Variants in MTSS1 observed in about 807,000 individuals in gnomAD.
MTSS1 encodes protein MTSS 1.
In MTSS1, 18 loss-of-function variants were observed where a neutral mutation model predicts 79.0. That is an observed-to-expected ratio of 0.23 (90% CI 0.16 to 0.34). The LOEUF (loss-of-function observed/expected upper bound fraction) is 0.34, where lower values mean the gene tolerates loss of function less well. Among genes scored for constraint, MTSS1 ranks in the 10% least tolerant of loss-of-function variants. MTSS1 has a pLI of 1.00. For synonymous variants in MTSS1, 341 were observed against 368.6 expected (o/e 0.93, Z 0.86); for missense variants, 815 against 986.2 (o/e 0.83, Z 2.33).
intron 3 of MTSS1, among the ~76,000 whole-genome samples, chr8:124,686,903 G>A (rs1023703178): frequency 2.6e-5 from 4 of 152,096 alleles, no homozygotes; most frequent in African/African-American, 7.2e-5. Context: ...GGTTAAAATG[G>A]CAGGCAGCTT....
Position 124,647,605 on chromosome 8 carries a change from A to T in MTSS1, c.208+51921T>A, listed in dbSNP as rs947443793. On this transcript the variant is annotated intron_variant, in intron 3 of 13. Coordinates refer to ENST00000518547, the MANE Select transcript of MTSS1 (RefSeq NM_014751.6). Reference sequence around the variant, plus strand: ...TCCTCAATAAAGCATGTTCTAATATAAAAAAAAAGATGTGTGGCATGTTGA... The same window carrying T: ...TCCTCAATAAAGCATGTTCTAATATTAAAAAAAAGATGTGTGGCATGTTGA... 1.0e-3 allele frequency among the ~76,000 whole-genome samples: 78 copies of T among 77,866 alleles called. No individual in the cohort carries two copies. The African/African-American group carries it at 0.01, about 10-fold the overall frequency. 51.1% of individuals were successfully genotyped at this position (77,866 alleles called of 152,430 possible).
At chr8:124,667,695 A>G (rs1823360989) in intron 3 of MTSS1, among the ~76,000 whole-genome samples, 1 of 152,118 alleles carries the variant, frequency 6.6e-6, no homozygotes, top group African/African-American at 2.4e-5. Flanking sequence ...AGGTATTATT[A>G]TCATTTCAGA....
chr8:124,713,528 A>T (rs181560396), intron 1 of MTSS1, among the ~76,000 whole-genome samples: 2 of 152,260 alleles, frequency 1.3e-5, no homozygotes, highest in East Asian at 3.9e-4. Context: ...GGTTCAAGAG[A>T]TTCTCCTGCC....
chr8:124,572,745 T>TTTTTC (rs1554644731), intron 6 of MTSS1, among the ~76,000 whole-genome samples: 2 of 126,152 alleles, frequency 1.6e-5, no homozygotes, highest in Non-Finnish European at 3.6e-5. Context: ...TTTCTTTTCT[T>TTTTTC]TTTTTTTTTT....
intron 3 of MTSS1, among the ~76,000 whole-genome samples, chr8:124,639,377 TCACAA>T (rs1817611824): frequency 6.6e-6 from 1 of 152,148 alleles, no homozygotes; most frequent in South Asian, 2.1e-4. Context: ...TGTAAAATTA[TCACAA>T]CAAAACAAAA....
intron 3 of MTSS1, among the ~76,000 whole-genome samples, chr8:124,608,781 C>A (rs767706736): frequency 6.6e-6 from 1 of 152,104 alleles, no homozygotes. Flanking sequence ...GGCAGCTATG[C>A]GCTAGATGGA....
chr8:124,696,240 G>A (rs951739201), intron 3 of MTSS1, among the ~76,000 whole-genome samples: 1 of 151,950 alleles, frequency 6.6e-6, no homozygotes, highest in African/African-American at 2.4e-5. Context: ...CACCTGCCTC[G>A]GCCTCCCAAA....
At chr8:124,710,191 A>AG (rs1448843456) in intron 1 of MTSS1, among the ~76,000 whole-genome samples, 2 of 152,214 alleles carry the variant, frequency 1.3e-5, no homozygotes. Flanking sequence ...GCAGCCTTCC[A>AG]GGGCAAGACC....
chr8:124,575,372 G>A (rs1173498512), intron 6 of MTSS1, among the ~76,000 whole-genome samples: 3 of 152,214 alleles, frequency 2.0e-5, no homozygotes, highest in Non-Finnish European at 4.4e-5. Flanking sequence ...CCTGTGGGAT[G>A]TAAATAATAA....
At position 124,666,503 on chromosome 8, in the gene MTSS1, G is replaced by A. The variant is rs147853033; in HGVS notation, c.208+33023C>T. 2.9e-4 allele frequency among the ~76,000 whole-genome samples: 44 copies of A among 152,326 alleles called. No individual in the cohort carries two copies. The East Asian group carries it at 7.9e-3, about 27-fold the overall frequency. On this transcript the variant is annotated intron_variant, in intron 3 of 13. Transcript: ENST00000518547. ...TATAAGAGAAAATGGCACAAGCCAC[G>A]ACAAAGAGGCTTAGAATGCATGGTC...
At chr8:124,567,223 C>T in intron 7 of MTSS1, 45 bp from the exon 8 acceptor site, 1 of 1,408,064 alleles carries the variant, frequency 7.1e-7, no homozygotes, top group Non-Finnish European at 1.0e-6. Context: ...ATGAGTGATT[C>T]CCTTCATCGC....
intron 3 of MTSS1, among the ~76,000 whole-genome samples, chr8:124,609,574 CA>C (rs1296666523): frequency 6.6e-6 from 1 of 152,134 alleles, no homozygotes. Flanking sequence ...CCAGTCCTTG[CA>C]AATAGGATGG....
At chr8:124,612,316 G>A (rs1046707433) in intron 3 of MTSS1, among the ~76,000 whole-genome samples, 3 of 152,204 alleles carry the variant, frequency 2.0e-5, no homozygotes, top group Non-Finnish European at 2.9e-5. Context: ...CCCAGCTGTG[G>A]AACTGGCAGC....
intron 6 of MTSS1, among the ~76,000 whole-genome samples, chr8:124,575,412 G>A (rs1828771254): frequency 6.6e-6 from 1 of 152,194 alleles, no homozygotes; most frequent in Non-Finnish European, 1.5e-5. Context: ...CTGCTGGAAG[G>A]GGAAATGAAC....
intron 6 of MTSS1, among the ~76,000 whole-genome samples, chr8:124,573,178 C>T (rs1004985300): frequency 2.0e-5 from 3 of 152,240 alleles, no homozygotes; most frequent in Non-Finnish European, 4.4e-5. Context: ...TACCTCATAG[C>T]CTCAGCCTTT....
intron 3 of MTSS1, among the ~76,000 whole-genome samples, chr8:124,652,553 A>G (rs1432983295): frequency 1.3e-5 from 2 of 152,180 alleles, no homozygotes; most frequent in African/African-American, 4.8e-5. Context: ...AAAAATTTCT[A>G]AAGGCCACAG....
rs770866845 is a variant in MTSS1 at position 124,591,141 on chromosome 8, T to C, written c.293+10A>G. ...GGTGTTGGCGATCGGGGCCAAAACATGCTCCTCACCTCGAAAACTGCCTCA... is the reference window on the plus strand; with the variant it reads ...GGTGTTGGCGATCGGGGCCAAAACACGCTCCTCACCTCGAAAACTGCCTCA... On this transcript the variant is annotated intron_variant, in intron 4 of 13. Coordinates refer to ENST00000518547, the MANE Select transcript of MTSS1 (RefSeq NM_014751.6). 6.2e-7 allele frequency: 1 copy of C among 1,613,770 alleles called. No individual in the cohort carries two copies. Among genetic ancestry groups the C allele is most frequent in the South Asian group, 1.1e-5 (1 of 91,070 alleles).
At chr8:124,716,675 C>T (rs1267779125) in intron 1 of MTSS1, among the ~76,000 whole-genome samples, 1 of 152,148 alleles carries the variant, frequency 6.6e-6, no homozygotes, top group African/African-American at 2.4e-5. Context: ...CACTTTTGCT[C>T]ATTAAAAATT....
intron 11 of MTSS1, among the ~76,000 whole-genome samples, chr8:124,556,954 C>T (rs1823965278): frequency 6.6e-6 from 1 of 152,226 alleles, no homozygotes; most frequent in African/African-American, 2.4e-5. Context: ...CCTTGAGAGG[C>T]CCACACCGCC....
Sources: allele counts gnomAD v4.1 joint callset (sites outside exome capture counted in the v4.1 genomes callset), GRCh38; gene constraint gnomAD v4.1.1; transcripts MANE v1.5; gene names NCBI Gene and HGNC (gene_info 2026-07-23, HGNC 2026-07-21).